Variants in LAMC2 observed in about 807,000 individuals in gnomAD.
The protein encoded by LAMC2 is laminin subunit gamma-2.
Under a neutral mutation model 140.2 loss-of-function variants are expected in LAMC2, and 97 were observed. That is an observed-to-expected ratio of 0.69 (90% CI 0.59 to 0.82). LAMC2 has a LOEUF of 0.82. Ranked by LOEUF, LAMC2 falls within the 40% of genes least tolerant of loss-of-function variation. LAMC2 has a pLI of 0.00. For synonymous variants in LAMC2, 513 were observed against 540.2 expected, an observed-to-expected ratio of 0.95 and a Z score of 0.70; for missense variants, 1,402 against 1,476.1, an observed-to-expected ratio of 0.95 and a Z score of 0.82.
At position 183,218,401 on chromosome 1, in the gene LAMC2, G is replaced by A; in HGVS notation, c.416G>A (p.Cys139Tyr). 1 of 1,614,038 alleles carries A rather than the reference G, an allele frequency of 6.2e-7. No homozygotes were observed. The highest frequency in any genetic ancestry group is 8.5e-7 in the Non-Finnish European group (1 of 1,179,904). Residue 139 changes from cysteine to tyrosine, a missense_variant, in exon 4 of 23, where the codon TGT becomes TAT. By Grantham distance (194) the Cys-to-Tyr change is radical. Around this residue, in one of 3 missense-constraint regions of LAMC2, gnomAD observed 723 missense variants for 783.3 expected, o/e 0.92. Transcript: ENST00000264144. ...TQDQRLLDSK[C>Y]DCDPAGIAGP... ...TTCTTCTTCCCCAGAGACTCCAAGT[G>A]TGACTGTGACCCAGCTGGCATCGCA...
intron 1 of LAMC2, among the ~76,000 whole-genome samples, chr1:183,194,153 C>T (rs1438227327): frequency 6.6e-6 from 1 of 151,814 alleles, no homozygotes; most frequent in Non-Finnish European, 1.5e-5. Flanking sequence ...CTCCTGATGT[C>T]ACGTGATCTG....
downstream of LAMC2, among the ~76,000 whole-genome samples, chr1:183,246,101 T>C (rs563015): frequency 0.29 from 42,523 of 148,022 alleles, 7,465 homozygotes; most frequent in African/African-American, 0.49. Context: ...ACCTGGGAGG[T>C]GGAGCTTGCA....
At chr1:183,234,922 G>T (rs1659907659) in intron 15 of LAMC2, among the ~76,000 whole-genome samples, 1 of 152,156 alleles carries the variant, frequency 6.6e-6, no homozygotes, top group South Asian at 2.1e-4. Flanking sequence ...TTCATCCTTG[G>T]CTCTGACTAG....
intron 15 of LAMC2, 96 bp downstream of exon 15, chr1:183,234,542 T>C (rs993250468): frequency 6.1e-6 from 6 of 981,648 alleles, no homozygotes; most frequent in Non-Finnish European, 6.4e-6. Context: ...GCATCGTATT[T>C]ATTCTCTCCA....
chr1:183,196,156 A>G (rs1031446592), intron 1 of LAMC2, among the ~76,000 whole-genome samples: 3 of 137,156 alleles, frequency 2.2e-5, no homozygotes, highest in African/African-American at 8.3e-5. Flanking sequence ...TTTTTTTTTG[A>G]GATGGAGTTT....
intron 1 of LAMC2, among the ~76,000 whole-genome samples, chr1:183,195,497 C>A (rs901101581): frequency 1.3e-5 from 2 of 152,196 alleles, no homozygotes; most frequent in African/African-American, 4.8e-5. Context: ...TCATTCCTCT[C>A]ATCCTAGCAC....
At chr1:183,237,276 G>T in intron 17 of LAMC2, 76 bp from the exon 18 acceptor site, 6 of 1,520,470 alleles carry the variant, frequency 3.9e-6, no homozygotes, top group South Asian at 1.1e-5. Context: ...TTCAAACAAT[G>T]GTGCCAGGTC....
intron 1 of LAMC2, among the ~76,000 whole-genome samples, chr1:183,188,778 A>G (rs746900979): frequency 6.6e-6 from 1 of 152,240 alleles, no homozygotes; most frequent in Non-Finnish European, 1.5e-5. Context: ...ATAAAGTGGC[A>G]TGTGGCCCCA....
chr1:183,215,040 T>C (rs866185273), intron 2 of LAMC2, among the ~76,000 whole-genome samples: 1 of 152,284 alleles, frequency 6.6e-6, no homozygotes, highest in South Asian at 2.1e-4. Context: ...GCACTGACCC[T>C]TAAAAGATGA....
At chr1:183,234,345 A>G in intron 14 of LAMC2, 22 bp from the exon 15 acceptor site, 1 of 1,602,316 alleles carries the variant, frequency 6.2e-7, no homozygotes, top group Non-Finnish European at 8.6e-7. Context: ...ATTCGCCTTA[A>G]CCGATTCTCC....
chr1:183,211,706 T>C (rs1659075108), intron 2 of LAMC2, among the ~76,000 whole-genome samples: 1 of 152,054 alleles, frequency 6.6e-6, no homozygotes, highest in South Asian at 2.1e-4. Context: ...AGACAGGGTC[T>C]ATGTTGCCCA....
chr1:183,204,139 C>T (rs548191421), intron 1 of LAMC2, among the ~76,000 whole-genome samples: 2 of 152,092 alleles, frequency 1.3e-5, no homozygotes, highest in African/African-American at 4.8e-5. Context: ...AAAAGTAACA[C>T]ATTTAGTTGA....
At chr1:183,237,556 A>T in intron 18 of LAMC2, 52 bp downstream of exon 18, 2 of 1,414,990 alleles carry the variant, frequency 1.4e-6, no homozygotes, top group Non-Finnish European at 2.0e-6. Context: ...AATGCCCACC[A>T]TATGAATAAA....
At chr1:183,200,247 G>A (rs1041561913) in intron 1 of LAMC2, among the ~76,000 whole-genome samples, 2 of 152,160 alleles carry the variant, frequency 1.3e-5, no homozygotes, top group Middle Eastern at 3.4e-3. Context: ...AAAATCAGCC[G>A]GGCATGGTGG....
chr1:183,219,231 C>A (rs1484607691), intron 4 of LAMC2, among the ~76,000 whole-genome samples: 2 of 152,252 alleles, frequency 1.3e-5, no homozygotes, highest in African/African-American at 4.8e-5. Flanking sequence ...CCCTGCCAGT[C>A]ACTTATACCT....
intron 4 of LAMC2, among the ~76,000 whole-genome samples, 169 bp downstream of exon 4, chr1:183,218,657 A>AAC (rs146727709): frequency 1.3e-5 from 2 of 151,820 alleles, no homozygotes; most frequent in African/African-American, 2.4e-5. Context: ...CAACAGCAAA[A>AAC]ACACACACAC....
At chr1:183,257,419 C>T in the LAMC2 span, among the ~76,000 whole-genome samples, 16 of 152,130 alleles carry the variant, frequency 1.1e-4, no homozygotes, top group East Asian at 7.7e-4. Context: ...CCAGCCTGGG[C>T]GACAGAGTGA....
At position 183,207,867 on chromosome 1, in the gene LAMC2, T is replaced by C. The variant is rs1658942784; in HGVS notation, c.80-14T>C. On this transcript the variant is annotated splice_polypyrimidine_tract_variant and intron_variant, in intron 1 of 22. Coordinates refer to ENST00000264144, the MANE Select transcript of LAMC2 (RefSeq NM_005562.3). The stretch of plus-strand genomic sequence containing the variant: ...TTTTTTTTTGACGATCTCTTTTGTA[T>C]GCTTCCTCCCCAGTCTGTGATTGCA... 1.2e-6 allele frequency: 2 copies of C among 1,603,412 alleles called. No homozygotes were observed. The highest frequency in any genetic ancestry group is 1.7e-6 in the Non-Finnish European group (2 of 1,171,124).
In LAMC2 at chr1:183,199,709, G is replaced by A. The variant is rs180759487; in HGVS notation, c.80-8172G>A. On this transcript the variant is annotated intron_variant, in intron 1 of 22. Transcript: ENST00000264144. The stretch of plus-strand genomic sequence containing the variant: ...AGGATGAAGTGCTCTGGGCTTTCAC[G>A]GGAGAGAGAAGCTGCCAGAAGGTAT... 3.7e-3 allele frequency among the ~76,000 whole-genome samples: 564 copies of A among 152,306 alleles called. 4 individuals are homozygous for A. The highest frequency in any genetic ancestry group is 6.3e-3 in the Non-Finnish European group (427 of 68,036).
Sources: allele counts gnomAD v4.1 joint callset (sites outside exome capture counted in the v4.1 genomes callset), GRCh38; gene constraint gnomAD v4.1.1; regional missense constraint gnomAD v4.1.1; transcripts MANE v1.5; gene names NCBI Gene and HGNC (gene_info 2026-07-23, HGNC 2026-07-21).